MOB3B: variants seen among roughly 807,000 people sequenced by gnomAD.
The protein encoded by MOB3B is MOB kinase activator-like 2B.
MOB3B carries 7 observed loss-of-function variants against 18.7 expected under a neutral mutation model. The observed-to-expected ratio is 0.37, with a 90% CI of 0.21 to 0.70. The LOEUF (loss-of-function observed/expected upper bound fraction) is 0.70, where lower values mean the gene tolerates loss of function less well. Ranked by LOEUF, MOB3B falls within the 30% of genes least tolerant of loss-of-function variation. The pLI, the probability that MOB3B is intolerant of heterozygous loss-of-function variation, is 0.52. For synonymous variants in MOB3B, 111 were observed against 99.9 expected, an observed-to-expected ratio of 1.11 and a Z score of -0.66; for missense variants, 253 against 281.3, an observed-to-expected ratio of 0.90 and a Z score of 0.72.
At chr9:27,514,331 T>C (rs1253262176) in intron 1 of MOB3B, among the ~76,000 whole-genome samples, 2 of 44,262 alleles carry the variant, frequency 4.5e-5, no homozygotes, top group Non-Finnish European at 8.2e-5. Context: ...CAACGCAGAA[T>C]AAGACCACAA....
At chr9:27,331,350 T>C (rs892087403) in intron 3 of MOB3B, among the ~76,000 whole-genome samples, 5 of 152,116 alleles carry the variant, frequency 3.3e-5, no homozygotes, top group African/African-American at 1.2e-4. Flanking sequence ...TCAGGTAAGG[T>C]GACTTTTACC....
Position 27,359,095 on chromosome 9 carries a change from T to C in MOB3B, c.560A>G (p.Lys187Arg). ...CTCTGTGACAAAGTAATAGAAGTGTTTGTAGCAGGTGTTGACATGGGCCTC... is the reference window on the plus strand; with the variant it reads ...CTCTGTGACAAAGTAATAGAAGTGTCTGTAGCAGGTGTTGACATGGGCCTC... Reference protein sequence around the residue: ...GAEAHVNTCYKHFYYFVTEMN... With the variant: ...GAEAHVNTCYRHFYYFVTEMN... The change falls in exon 3 of 4, where the codon AAA (lysine) becomes AGA (arginine). Residue 187 changes from lysine (K) to arginine (R), a missense_variant. Coordinates refer to ENST00000262244, the MANE Select transcript of MOB3B (RefSeq NM_024761.5). The C allele has an allele frequency of 6.2e-7, 1 of 1,614,122 alleles. No homozygotes were observed. Among genetic ancestry groups the C allele is most frequent in the Non-Finnish European group, 8.5e-7 (1 of 1,180,028 alleles).
rs548933400 is a variant in MOB3B, at chr9:27,330,161, C to T, written c.*426G>A. On this transcript the variant is annotated 3_prime_UTR_variant, in exon 4 of 4. Transcript: ENST00000262244. ...CCAGAGGTCCAAAATTCACCCGGCA[C>T]TTAAAAAACCAATCACAGAGAAGTC... 1 of 163,602 alleles carries T rather than the reference C, an allele frequency of 6.1e-6. No homozygotes were observed. Among genetic ancestry groups the T allele is most frequent in the African/African-American group, 2.4e-5 (1 of 41,740 alleles). 10.1% of individuals were successfully genotyped at this position (163,602 alleles called of 1,614,324 possible). A position where few individuals can be genotyped will look rare whatever the true frequency, so the allele number is the denominator to read the frequency against.
intron 1 of MOB3B, among the ~76,000 whole-genome samples, chr9:27,503,279 C>T (rs1820014733): frequency 1.3e-5 from 2 of 152,208 alleles, no homozygotes; most frequent in Non-Finnish European, 2.9e-5. Flanking sequence ...AAATTGACCA[C>T]GAATGTCAAA....
chr9:27,344,038 A>G (rs1206867457), intron 3 of MOB3B, among the ~76,000 whole-genome samples: 1 of 152,166 alleles, frequency 6.6e-6, no homozygotes, highest in Non-Finnish European at 1.5e-5. Flanking sequence ...TGAACTGTAC[A>G]CTTAAAAATA....
intron 2 of MOB3B, among the ~76,000 whole-genome samples, chr9:27,451,188 TAGTC>T (rs1822777629): frequency 6.6e-6 from 1 of 152,172 alleles, no homozygotes; most frequent in Non-Finnish European, 1.5e-5. Flanking sequence ...TTACTGTAAT[TAGTC>T]AGGCAATAGA....
intron 2 of MOB3B, among the ~76,000 whole-genome samples, chr9:27,369,324 G>A (rs982019519): frequency 3.3e-5 from 5 of 152,164 alleles, no homozygotes; most frequent in African/African-American, 7.2e-5. Context: ...CTTCCATTAT[G>A]TGGGGACAAT....
At chr9:27,482,768 A>C (rs1399712689) in intron 1 of MOB3B, among the ~76,000 whole-genome samples, 2 of 152,224 alleles carry the variant, frequency 1.3e-5, no homozygotes, top group African/African-American at 2.4e-5. Context: ...GGAATGCACC[A>C]CATGGCCGTT....
intron 1 of MOB3B, among the ~76,000 whole-genome samples, chr9:27,504,735 A>G (rs1820034275): frequency 6.6e-6 from 1 of 152,174 alleles, no homozygotes; most frequent in Non-Finnish European, 1.5e-5. Context: ...ATCAAACCTC[A>G]TTATTCATTT....
At chr9:27,420,431 T>A (rs1378674721) in intron 2 of MOB3B, among the ~76,000 whole-genome samples, 4 of 150,938 alleles carry the variant, frequency 2.7e-5, no homozygotes, top group Non-Finnish European at 4.4e-5. Context: ...AACGAGTGGA[T>A]AAAGAAACTA....
chr9:27,453,661 G>A (rs1459827431), intron 2 of MOB3B, among the ~76,000 whole-genome samples: 1 of 152,140 alleles, frequency 6.6e-6, no homozygotes, highest in East Asian at 1.9e-4. Flanking sequence ...GAGAACAGGA[G>A]TATGCAGAAT....
chr9:27,527,618 T>C (rs1820456114), intron 1 of MOB3B, among the ~76,000 whole-genome samples: 1 of 152,224 alleles, frequency 6.6e-6, no homozygotes, highest in Admixed American at 6.5e-5. Context: ...GAAGCCTCTT[T>C]CTTCCCCTGG....
intron 1 of MOB3B, among the ~76,000 whole-genome samples, chr9:27,503,547 C>T (rs531321302): frequency 1.9e-4 from 29 of 152,306 alleles, no homozygotes; most frequent in African/African-American, 4.8e-4. Flanking sequence ...AGCTCTCCTG[C>T]GCTCCTGTCT....
At chr9:27,441,124 T>A (rs1822589452) in intron 2 of MOB3B, among the ~76,000 whole-genome samples, 1 of 152,210 alleles carries the variant, frequency 6.6e-6, no homozygotes, top group South Asian at 2.1e-4. Flanking sequence ...ACTCACCTCC[T>A]GCTGTGCGGC....
intron 1 of MOB3B, among the ~76,000 whole-genome samples, chr9:27,473,489 G>A (rs1819504953): frequency 6.6e-6 from 1 of 152,074 alleles, no homozygotes; most frequent in Non-Finnish European, 1.5e-5. Context: ...CAAGCAGAGA[G>A]GGACCTGTTG....
At chr9:27,448,908 A>G (rs1268072200) in intron 2 of MOB3B, among the ~76,000 whole-genome samples, 2 of 152,212 alleles carry the variant, frequency 1.3e-5, no homozygotes, top group African/African-American at 4.8e-5. Context: ...GATCAAATGT[A>G]GGTAACCTTG....
chr9:27,451,264 A>G (rs1036123115), intron 2 of MOB3B, among the ~76,000 whole-genome samples: 3 of 152,176 alleles, frequency 2.0e-5, no homozygotes, highest in African/African-American at 7.2e-5. Flanking sequence ...AAAAATGGTT[A>G]AAGAAATATA....
chr9:27,503,171 G>T (rs536027226), intron 1 of MOB3B, among the ~76,000 whole-genome samples: 7 of 152,226 alleles, frequency 4.6e-5, no homozygotes, highest in African/African-American at 1.7e-4. Context: ...CACGTGTGAG[G>T]TCTAAGAACC....
chr9:27,419,181 C>T (rs1000304042), intron 2 of MOB3B, among the ~76,000 whole-genome samples: 28 of 151,972 alleles, frequency 1.8e-4, no homozygotes, highest in Non-Finnish European at 2.9e-4. Context: ...GGAAACTCAT[C>T]CCATGCTCAT....
Sources: gnomAD v4.1 joint callset for allele counts (sites outside exome capture counted in the v4.1 genomes callset) on GRCh38, gnomAD v4.1.1 for gene constraint, MANE v1.5 for transcripts, NCBI Gene and HGNC (gene_info 2026-07-23, HGNC 2026-07-21) for gene names.